Variants in SURF4 observed in about 807,000 individuals in gnomAD.
SURF4 encodes the protein surfeit locus protein 4.
A neutral mutation model predicts 30.0 loss-of-function variants in SURF4; 3 were observed. The observed-to-expected ratio is 0.10, with a 90% confidence interval of 0.05 to 0.26. The LOEUF (loss-of-function observed/expected upper bound fraction) is 0.26. SURF4 is among the 10% of genes least tolerant of loss of function. The pLI, the probability that SURF4 is intolerant of heterozygous loss-of-function variation, is 1.00. For synonymous variants in SURF4, 143 were observed against 139.9 expected, an observed-to-expected ratio of 1.02 and a Z score of -0.16; for missense variants, 217 against 350.8, an observed-to-expected ratio of 0.62 and a Z score of 3.05.
At chr9:133,375,696 G>A (rs1029691023) in intron 1 of SURF4, among the ~76,000 whole-genome samples, 1 of 152,122 alleles carries the variant, frequency 6.6e-6, no homozygotes, top group Non-Finnish European at 1.5e-5. Context: ...AGGGCGCCGA[G>A]GCCCGGGCTC....
upstream of SURF4, chr9:133,376,369 T>G: frequency 7.1e-7 from 1 of 1,401,660 alleles, no homozygotes; most frequent in Non-Finnish European, 9.4e-7. Flanking sequence ...GACGCCTGAG[T>G]GCCTCGAGGG....
Position 133,363,591 on chromosome 9 carries a change from C to T in SURF4, c.712G>A (p.Asp238Asn). 4 of 1,614,150 alleles carry T rather than the reference C, an allele frequency of 2.5e-6. No individual in the cohort carries two copies. The highest frequency in any genetic ancestry group is 2.5e-6 in the Non-Finnish European group (3 of 1,180,040). ...YKPMHDFLKY[D>N]FFQTMSVIGG... The stretch of plus-strand genomic sequence containing the variant: ...ATCACCGACATGGTCTGGAAGAAGT[C>T]GTATTTCAGGAAGTCATGCATGGGC... The change falls in exon 6 of 6, where the codon GAC becomes AAC. Residue 238 changes from aspartate to asparagine, a missense_variant. By Grantham distance (23) the Asp-to-Asn change is conservative. Coordinates refer to ENST00000371989, the MANE Select transcript of SURF4 (RefSeq NM_033161.4). This position sits in a 1 kb window ranked among gnomAD's most constrained non-coding sequence, Gnocchi z 4.3.
At position 133,363,911 on chromosome 9, in the gene SURF4, T is replaced by C; in HGVS notation, c.544-152A>G. The C allele has an allele frequency of 1.0e-6, 1 of 983,046 alleles. No individual in the cohort carries two copies. Among genetic ancestry groups the C allele is most frequent in the Non-Finnish European group, 1.6e-6 (1 of 627,784 alleles). The allele number at this position is 983,046 out of a possible 1,614,324, so 60.9% of individuals were successfully genotyped here. On this transcript the variant is annotated intron_variant, in intron 5 of 5. Coordinates refer to ENST00000371989, the MANE Select transcript of SURF4 (RefSeq NM_033161.4). This position sits in a 1 kb window ranked among gnomAD's most constrained non-coding sequence, Gnocchi z 4.3. ...ACGGCTGCTGGTGCAAGTAGGGAGA[T>C]AAAAGCCAAAGGGAGGCAGGAGGCA...
In SURF4 at chr9:133,375,902, G is replaced by T; in HGVS notation, c.48+20C>A. 8.2e-7 allele frequency: 1 copy of T among 1,223,860 alleles called. No individual in the cohort carries two copies. The highest frequency in any genetic ancestry group is 4.3e-5 in the Admixed American group (1 of 23,248). The allele number at this position is 1,223,860 out of a possible 1,614,324, so 75.8% of individuals were successfully genotyped here. On this transcript the variant is annotated intron_variant, in intron 1 of 5. Coordinates refer to ENST00000371989, the MANE Select transcript of SURF4 (RefSeq NM_033161.4). ...GCCTGGGTCGGGACCGGGGCCGGGG[G>T]AGGAGCCCGCAGGCCGCACCTGGTC...
rs1050904023 is a variant in SURF4, at chr9:133,362,117, C to A, written c.*1376G>T. On this transcript the variant is annotated 3_prime_UTR_variant, in exon 6 of 6. Transcript: ENST00000371989. ...AAAAGCACTTATGAGCAGAAACCTG[C>A]CTCACCCCTGCCCTGCAGAGCCAAT... 10 of 152,242 alleles carry A rather than the reference C, an allele frequency of 6.6e-5. No homozygotes were observed. Among genetic ancestry groups the A allele is most frequent in the Admixed American group, 5.2e-4 (8 of 15,282 alleles). The allele number at this position is 152,242 out of a possible 1,614,324, so 9.4% of individuals were successfully genotyped here.
chr9:133,373,994 G>A (rs1244511934), intron 1 of SURF4, among the ~76,000 whole-genome samples: 2 of 150,282 alleles, frequency 1.3e-5, no homozygotes, highest in African/African-American at 4.9e-5. Flanking sequence ...AGGGGAGTCT[G>A]TCATTTGCTA....
Position 133,364,990 on chromosome 9 carries a change from T to G in SURF4, c.393A>C (p.Leu131=). ...TCTTCCCTTCAGAACGGGATTCTGCTAGGAGCAGCAACAGGCCTCCTCCCA... is the reference window on the plus strand; with the variant it reads ...TCTTCCCTTCAGAACGGGATTCTGCGAGGAGCAGCAACAGGCCTCCTCCCA... The part of the protein sequence containing the change: ...LALGGGLLLL[L]AESRSEGKSM... Residue 131 remains leucine, a synonymous_variant, in exon 5 of 6, where the codon CTA becomes CTC. Transcript: ENST00000371989. 1 of 1,600,564 alleles carries G rather than the reference T, an allele frequency of 6.2e-7. No individual in the cohort carries two copies. The highest frequency in any genetic ancestry group is 8.5e-7 in the Non-Finnish European group (1 of 1,172,442).
chr9:133,367,392 G>A lies in SURF4; in HGVS notation c.102C>T (p.Ile34=), dbSNP rs2130141419. Residue 34 remains isoleucine, a synonymous_variant, in exon 2 of 6, where the codon ATC becomes ATT. Coordinates refer to ENST00000371989, the MANE Select transcript of SURF4 (RefSeq NM_033161.4). ...YLPHVARLCL[I]STFLEDGIRM... ...GGATGCCGTCCTCCAGGAAGGTGCT[G>A]ATCAGACAGAGGCGCGCCACGTGGG... 6.2e-7 allele frequency: 1 copy of A among 1,614,188 alleles called. No individual in the cohort carries two copies.
Position 133,363,286 on chromosome 9 carries a change from G to A in SURF4, c.*207C>T, listed in dbSNP as rs1316126002. Reference sequence around the variant, plus strand: ...AGCTGCCAGGCTGGCCTGCACTGAAGGGTCAGACGCCAGACTGTGGCTCCA... The same window carrying A: ...AGCTGCCAGGCTGGCCTGCACTGAAAGGTCAGACGCCAGACTGTGGCTCCA... On this transcript the variant is annotated 3_prime_UTR_variant, in exon 6 of 6. Coordinates refer to ENST00000371989, the MANE Select transcript of SURF4 (RefSeq NM_033161.4). The surrounding 1 kb of genome is among the most constrained non-coding windows in gnomAD (Gnocchi z 4.3). 2 of 891,904 alleles carry A rather than the reference G, an allele frequency of 2.2e-6. No individual in the cohort carries two copies. Among genetic ancestry groups the A allele is most frequent in the Admixed American group, 2.0e-5 (1 of 49,476 alleles). The allele number at this position is 891,904 out of a possible 1,614,324, so 55.2% of individuals were successfully genotyped here. A position where few individuals can be genotyped will look rare whatever the true frequency, so the allele number is the denominator to read the frequency against.
upstream of SURF4, chr9:133,376,458 G>A (rs1180391784): frequency 6.4e-7 from 1 of 1,568,434 alleles, no homozygotes; most frequent in African/African-American, 1.4e-5. Flanking sequence ...TCGCCCGTAC[G>A]CGGTCGCTAC....
At chr9:133,366,468 G>A (rs1042223939) in intron 3 of SURF4, 131 bp downstream of exon 3, 8 of 992,312 alleles carry the variant, frequency 8.1e-6, no homozygotes, top group South Asian at 1.5e-5. Context: ...AGAAGAGAAA[G>A]GAGCTCCAGG....
In SURF4 at chr9:133,363,244, G is replaced by A. The variant is rs1836934696; in HGVS notation, c.*249C>T. ...GCGGGCTGTTCACTCCAAAGCCTCG[G>A]CGTGGGGGAGGCTTCCAGCTGCCAG... On this transcript the variant is annotated 3_prime_UTR_variant, in exon 6 of 6. Transcript: ENST00000371989. The surrounding 1 kb of genome is among the most constrained non-coding windows in gnomAD (Gnocchi z 4.3). 1.5e-6 allele frequency: 1 copy of A among 686,338 alleles called. No homozygotes were observed. Among genetic ancestry groups the A allele is most frequent in the Non-Finnish European group, 2.6e-6 (1 of 386,906 alleles). 42.5% of individuals were successfully genotyped at this position (686,338 alleles called of 1,614,324 possible).
upstream of SURF4, chr9:133,376,324 G>A: frequency 7.4e-7 from 1 of 1,359,478 alleles, no homozygotes; most frequent in Non-Finnish European, 9.5e-7. Flanking sequence ...TTAAGGGGGC[G>A]GGGACCTGGG....
At chr9:133,371,232 C>T in intron 1 of SURF4, 2 of 659,898 alleles carry the variant, frequency 3.0e-6, no homozygotes, top group Non-Finnish European at 3.8e-6. Context: ...TCCTTGATCA[C>T]CAAGGACTGG....
rs1460282612 is a variant in SURF4 at position 133,366,686 on chromosome 9, G to C, written c.236-11C>G. 1.9e-6 allele frequency: 3 copies of C among 1,612,732 alleles called. No homozygotes were observed. The highest frequency in any genetic ancestry group is 2.5e-6 in the Non-Finnish European group (3 of 1,179,914). On this transcript the variant is annotated splice_polypyrimidine_tract_variant and intron_variant, in intron 2 of 5. Transcript: ENST00000371989. ...CCAGGACGCAGCCAGCTGGAGAGAA[G>C]GACAAGGGTTAGGGGGCCTGAGGGT...
rs1413475961 is a variant in SURF4, at chr9:133,364,752, C to T, written c.543+88G>A. The T allele has an allele frequency of 8.0e-6, 11 of 1,377,964 alleles. No individual in the cohort carries two copies. The Admixed American group carries it at 2.1e-4, about 26-fold the overall frequency. The allele number at this position is 1,377,964 out of a possible 1,614,324, so 85.4% of individuals were successfully genotyped here. A position where few individuals can be genotyped will look rare whatever the true frequency, so the allele number is the denominator to read the frequency against. ...GCTCCCCCAGGCTGTGGTTAATACC[C>T]AACCAGGGAGGGGTGAGCAGGGAGG... On this transcript the variant is annotated intron_variant, in intron 5 of 5. Transcript: ENST00000371989.
intron 2 of SURF4, 25 bp downstream of exon 2, chr9:133,367,234 C>G (rs1027784604): frequency 1.9e-5 from 31 of 1,610,528 alleles, no homozygotes; most frequent in Non-Finnish European, 2.6e-5. Context: ...CCCAGTGAAT[C>G]CTGACCACCC....
chr9:133,363,324 C>A lies in SURF4; in HGVS notation c.*169G>T. On this transcript the variant is annotated 3_prime_UTR_variant, in exon 6 of 6. Coordinates refer to ENST00000371989, the MANE Select transcript of SURF4 (RefSeq NM_033161.4). This position sits in a 1 kb window ranked among gnomAD's most constrained non-coding sequence, Gnocchi z 4.3. The stretch of plus-strand genomic sequence containing the variant: ...GACTGTGGCTCCAGAGCAGACTGAG[C>A]CATCGATTCTCAGGTGTCTCTGCAA... The A allele has an allele frequency of 8.9e-7, 1 of 1,119,362 alleles. No individual in the cohort carries two copies. The highest frequency in any genetic ancestry group is 2.0e-5 in the Admixed American group (1 of 50,456). 69.3% of individuals were successfully genotyped at this position (1,119,362 alleles called of 1,614,324 possible).
intron 1 of SURF4, among the ~76,000 whole-genome samples, chr9:133,375,025 C>T (rs1489957172): frequency 2.0e-5 from 3 of 152,202 alleles, no homozygotes; most frequent in African/African-American, 7.2e-5. Flanking sequence ...GTCGACATAA[C>T]GGGATTCTTT....
Sources: gnomAD v4.1 joint callset for allele counts (sites outside exome capture counted in the v4.1 genomes callset) on GRCh38, gnomAD v4.1.1 for gene constraint, Gnocchi (gnomAD v3.1) non-coding constraint, MANE v1.5 for transcripts, NCBI Gene and HGNC (gene_info 2026-07-23, HGNC 2026-07-21) for gene names.